Variants in CHL1 observed in about 807,000 individuals in gnomAD.
CHL1 encodes neural cell adhesion molecule L1-like protein.
A neutral mutation model predicts 141.9 loss-of-function variants in CHL1; 96 were observed. That is an observed-to-expected ratio of 0.68 (90% CI 0.57 to 0.80). The LOEUF (loss-of-function observed/expected upper bound fraction) is 0.80, where lower values mean the gene tolerates loss of function less well. Among genes scored for constraint, CHL1 ranks in the 30% least tolerant of loss-of-function variants. The pLI is 0.00. For missense variants in CHL1, 1,820 were observed against 1,457.2 expected, an observed-to-expected ratio of 1.25 and a Z score of -4.05; for synonymous variants, 613 against 502.2, an observed-to-expected ratio of 1.22 and a Z score of -2.95.
chr3:361,920 C>T, intron 13 of CHL1, 110 bp downstream of exon 13: 1 of 741,012 alleles, frequency 1.3e-6, no homozygotes, highest in Non-Finnish European at 2.4e-6. Flanking sequence ...TTACATGTAC[C>T]CAGTACCTCT....
At position 400,676 on chromosome 3, in the gene CHL1, C is replaced by T. The variant is rs530736659; in HGVS notation, c.3386-950C>T. On this transcript the variant is annotated intron_variant, in intron 26 of 27. Coordinates refer to ENST00000256509, the MANE Select transcript of CHL1 (RefSeq NM_006614.4). ...AATCAGCCAGGCATAGTGGTGGCTG[C>T]CTGAAATCCTAACTACTCGGGAGGC... Among the ~76,000 whole-genome samples the T allele has an allele frequency of 2.7e-5, 4 of 150,708 alleles. No individual in the cohort carries two copies. In the South Asian group the frequency reaches 8.4e-4, roughly 32 times the overall value.
chr3:311,422 G>C (rs1299681433), intron 2 of CHL1, among the ~76,000 whole-genome samples: 1 of 150,820 alleles, frequency 6.6e-6, no homozygotes, highest in African/African-American at 2.5e-5. Flanking sequence ...CACAGTGAGG[G>C]TTTGCACTTT....
intron 12 of CHL1, among the ~76,000 whole-genome samples, chr3:361,369 A>G (rs2125263264): frequency 7.9e-6 from 1 of 126,996 alleles, no homozygotes; most frequent in East Asian, 2.4e-4. Flanking sequence ...AAATTGACAA[A>G]TGGGATCTAA....
At chr3:271,311 T>C (rs559695861) in intron 2 of CHL1, among the ~76,000 whole-genome samples, 11 of 152,312 alleles carry the variant, frequency 7.2e-5, no homozygotes, top group African/African-American at 2.6e-4. Flanking sequence ...TGGTGGCTCA[T>C]GCCTGTAGTT....
chr3:228,338 G>A (rs1701549378), intron 1 of CHL1, among the ~76,000 whole-genome samples: 1 of 152,048 alleles, frequency 6.6e-6, no homozygotes, highest in African/African-American at 2.4e-5. Context: ...CACCTTAAAG[G>A]CTTACCCCAA....
At chr3:281,479 G>C (rs1696646965) in intron 2 of CHL1, among the ~76,000 whole-genome samples, 1 of 151,764 alleles carries the variant, frequency 6.6e-6, no homozygotes, top group Non-Finnish European at 1.5e-5. Flanking sequence ...TCTTGTTGAT[G>C]GTTCACCTCT....
At chr3:293,699 C>G (rs778128669) in intron 2 of CHL1, among the ~76,000 whole-genome samples, 5 of 152,048 alleles carry the variant, frequency 3.3e-5, no homozygotes, top group Non-Finnish European at 5.9e-5. Flanking sequence ...TCAAAGATTC[C>G]AAATGATGAT....
intron 2 of CHL1, among the ~76,000 whole-genome samples, chr3:258,888 G>T (rs1355312920): frequency 6.7e-6 from 1 of 149,806 alleles, no homozygotes; most frequent in African/African-American, 2.5e-5. Context: ...TTATAAAGAA[G>T]GTACTACAAT....
chr3:386,252 A>G (rs1707703457), intron 19 of CHL1, among the ~76,000 whole-genome samples: 1 of 151,412 alleles, frequency 6.6e-6, no homozygotes, highest in Non-Finnish European at 1.5e-5. Context: ...AGAATTAACA[A>G]TGAAGATGAG....
intron 1 of CHL1, among the ~76,000 whole-genome samples, chr3:200,210 A>G (rs563060365): frequency 6.6e-6 from 1 of 152,330 alleles, no homozygotes; most frequent in Admixed American, 6.5e-5. Context: ...TTTTAGAAAC[A>G]ATAAAATTAG....
intron 2 of CHL1, among the ~76,000 whole-genome samples, chr3:266,020 T>C (rs1401520434): frequency 1.3e-5 from 2 of 152,164 alleles, no homozygotes; most frequent in East Asian, 1.9e-4. Context: ...TAGGGACAGA[T>C]GGTATTATTG....
intron 2 of CHL1, among the ~76,000 whole-genome samples, chr3:290,734 T>C (rs772004892): frequency 1.3e-5 from 2 of 152,088 alleles, no homozygotes; most frequent in African/African-American, 2.4e-5. Flanking sequence ...GAACATCAGA[T>C]GGCAATAAGG....
chr3:394,665 G>A lies in CHL1; in HGVS notation c.2915-28G>A, dbSNP rs772597671. 3.3e-6 allele frequency: 5 copies of A among 1,510,568 alleles called. No individual in the cohort carries two copies. The African/African-American group carries it at 4.2e-5, about 13-fold the overall frequency. 93.6% of individuals were successfully genotyped at this position (1,510,568 alleles called of 1,614,324 possible). A position where few individuals can be genotyped will look rare whatever the true frequency, so the allele number is the denominator to read the frequency against. ...GCAACTTGAATGGTTAAATACATTT[G>A]AGCTGTTGTTCATGTTTATTTTTTT... is the stretch of plus-strand genomic sequence containing the variant. On this transcript the variant is annotated intron_variant, in intron 23 of 27. Transcript: ENST00000256509.
intron 23 of CHL1, among the ~76,000 whole-genome samples, chr3:392,462 T>C (rs941189046): frequency 2.8e-4 from 42 of 152,176 alleles, no homozygotes; most frequent in African/African-American, 9.9e-4. Context: ...GCGACTAGAG[T>C]AACGTGAATG....
At chr3:276,867 T>C (rs930906657) in intron 2 of CHL1, among the ~76,000 whole-genome samples, 13 of 110,410 alleles carry the variant, frequency 1.2e-4, no homozygotes, top group Non-Finnish European at 1.9e-4. Flanking sequence ...CCAGCCTGGG[T>C]GAAAGAGGAA....
intron 1 of CHL1, among the ~76,000 whole-genome samples, chr3:216,427 A>G (rs1559283232): frequency 6.6e-6 from 1 of 152,252 alleles, no homozygotes; most frequent in Admixed American, 6.5e-5. Context: ...AATTAAAATG[A>G]ACATTTTCTT....
intron 6 of CHL1, 140 bp downstream of exon 6, chr3:341,056 A>G: frequency 1.2e-6 from 1 of 857,682 alleles, no homozygotes; most frequent in Non-Finnish European, 1.8e-6. Context: ...TGCTACTAAT[A>G]TGATAAGATT....
At chr3:395,147 ATTAAAG>A (rs1373233602) in intron 24 of CHL1, among the ~76,000 whole-genome samples, 1 of 152,246 alleles carries the variant, frequency 6.6e-6, no homozygotes, top group Non-Finnish European at 1.5e-5. Context: ...ATTTTACTTA[ATTAAAG>A]TAGCAGGACA....
intron 2 of CHL1, among the ~76,000 whole-genome samples, chr3:295,278 A>G (rs1698084848): frequency 6.6e-6 from 1 of 152,214 alleles, no homozygotes; most frequent in Non-Finnish European, 1.5e-5. Context: ...ACAGAACCAA[A>G]AAGGCCAAGG....
Sources: allele counts gnomAD v4.1 joint callset (sites outside exome capture counted in the v4.1 genomes callset), GRCh38; gene constraint gnomAD v4.1.1; transcripts MANE v1.5; gene names NCBI Gene and HGNC (gene_info 2026-07-23, HGNC 2026-07-21).